Variants in CDH23 observed in about 807,000 individuals in gnomAD.
CDH23 encodes the protein cadherin-23.
CDH23 carries 189 observed loss-of-function variants against 317.1 expected under a neutral mutation model. The observed-to-expected ratio is 0.60, with a 90% CI of 0.53 to 0.67. CDH23 has a LOEUF of 0.67. CDH23 is among the 30% of genes least tolerant of loss of function. The probability of loss-of-function intolerance (pLI) is 0.00; values close to 1 mark genes in which losing one functional copy is unlikely to be tolerated. For missense variants in CDH23, 4,401 were observed against 4,592.4 expected (o/e 0.96, Z 1.20); for synonymous variants, 1,839 against 1,876.8 (o/e 0.98, Z 0.52).
intron 10 of CDH23, 34 bp downstream of exon 10, chr10:71,615,650 G>GGGGC: frequency 6.8e-7 from 1 of 1,473,828 alleles, no homozygotes; most frequent in Non-Finnish European, 9.5e-7. Context: ...ACCCCAGGTA[G>GGGGC]AGGAGATGCC....
intron 1 of CDH23, among the ~76,000 whole-genome samples, chr10:71,424,670 A>G (rs905527414): frequency 9.2e-5 from 14 of 152,200 alleles, no homozygotes; most frequent in African/African-American, 3.1e-4. Context: ...TATTTTGTTC[A>G]GTCATTGATT....
chr10:71,809,737 A>T, intron 60 of CDH23, 83 bp from the exon 61 acceptor site: 1 of 1,545,970 alleles, frequency 6.5e-7, no homozygotes, highest in Non-Finnish European at 8.7e-7. Context: ...AGATGTGCCC[A>T]CCTACCCCAG....
intron 18 of CDH23, among the ~76,000 whole-genome samples, chr10:71,682,839 G>A (rs1429840359): frequency 6.6e-6 from 1 of 152,206 alleles, no homozygotes; most frequent in Non-Finnish European, 1.5e-5. Flanking sequence ...TTCACTGGGG[G>A]CCCCAGGACA....
In CDH23 at chr10:71,658,989, C is replaced by T. The variant is rs145381676; in HGVS notation, c.1449+12372C>T. Among the ~76,000 whole-genome samples, 333 of 152,320 alleles carry T rather than the reference C, an allele frequency of 2.2e-3. 2 individuals carry two copies. Among genetic ancestry groups the T allele is most frequent in the African/African-American group, 7.6e-3 (316 of 41,560 alleles). On this transcript the variant is annotated intron_variant, in intron 14 of 69. Coordinates refer to ENST00000224721, the MANE Select transcript of CDH23 (RefSeq NM_022124.6). ...TCATCTGGAAAATGAAAGGGTTCTGCTGGACACTCTCTAAGGCCCCCTGTG... is the reference window on the plus strand; with the variant it reads ...TCATCTGGAAAATGAAAGGGTTCTGTTGGACACTCTCTAAGGCCCCCTGTG...
intron 1 of CDH23, among the ~76,000 whole-genome samples, chr10:71,424,317 C>CT (rs1168797102): frequency 2.0e-5 from 3 of 152,252 alleles, no homozygotes; most frequent in Admixed American, 2.0e-4. Flanking sequence ...CCCAAAGCTC[C>CT]TTCTGGTCAA....
chr10:71,443,770 T>C (rs6480521), intron 2 of CDH23, among the ~76,000 whole-genome samples: 51,993 of 152,138 alleles, frequency 0.34, 9,111 homozygotes, highest in Middle Eastern at 0.47. Context: ...CCCGCTTCGC[T>C]GGAGGCCCCA....
rs573992582 is a variant in CDH23, at chr10:71,559,907, C to T, written c.430-6835C>T. ...GTATGGGTACACATGGGTTTATGCA[C>T]ACATGTGCCCCTCCCTGACCAGAAT... On this transcript the variant is annotated intron_variant, in intron 6 of 69. Transcript: ENST00000224721. Among the ~76,000 whole-genome samples the T allele has an allele frequency of 2.6e-5, 4 of 152,374 alleles. No homozygotes were observed. In the South Asian group the frequency reaches 8.3e-4, roughly 32 times the overall value.
chr10:71,790,178 T>C (rs921758290), intron 45 of CDH23, 110 bp from the exon 46 acceptor site: 38 of 1,445,512 alleles, frequency 2.6e-5, no homozygotes, highest in Middle Eastern at 2.3e-4. Context: ...CCACCTCACC[T>C]CCCTCCCCTC....
intron 11 of CDH23, among the ~76,000 whole-genome samples, chr10:71,627,383 ATG>A (rs1861788678): frequency 2.0e-5 from 3 of 152,058 alleles, no homozygotes; most frequent in Admixed American, 6.5e-5. Context: ...GATGATGATG[ATG>A]ATGATGATGA....
At chr10:71,425,255 GAGAGAGAGAGAGAGGA>G (rs1849011928) in intron 1 of CDH23, among the ~76,000 whole-genome samples, 3 of 143,100 alleles carry the variant, frequency 2.1e-5, no homozygotes, top group African/African-American at 8.0e-5. Flanking sequence ...GAGAGAGAGA[GAGAGAGAGAGAGAGGA>G]AGGAAGGAAG....
At chr10:71,732,765 A>G in intron 32 of CDH23, 1 of 1,041,696 alleles carries the variant, frequency 9.6e-7, no homozygotes, top group African/African-American at 1.6e-5. Flanking sequence ...TTTCACACCC[A>G]TCACAGATCC....
chr10:71,545,835 C>T (rs373014280), intron 6 of CDH23, among the ~76,000 whole-genome samples: 3 of 152,118 alleles, frequency 2.0e-5, no homozygotes, highest in East Asian at 1.9e-4. Flanking sequence ...GAGTGAAGCA[C>T]GCATTATCTT....
intron 14 of CDH23, among the ~76,000 whole-genome samples, chr10:71,672,996 G>A (rs533223422): frequency 6.6e-6 from 1 of 152,016 alleles, no homozygotes; most frequent in Non-Finnish European, 1.5e-5. Flanking sequence ...CTAGCCTGCT[G>A]TCTCTCCTCT....
intron 38 of CDH23, among the ~76,000 whole-genome samples, chr10:71,774,600 C>T (rs1840775431): frequency 1.3e-5 from 2 of 152,332 alleles, no homozygotes; most frequent in Admixed American, 6.5e-5. Flanking sequence ...GGTTTTACTG[C>T]ACTTTTATCT....
intron 14 of CDH23, among the ~76,000 whole-genome samples, chr10:71,662,227 C>T (rs1367772038): frequency 6.6e-6 from 1 of 152,052 alleles, no homozygotes. Flanking sequence ...AGGGAGACAA[C>T]ATGAGAATGT....
intron 28 of CDH23, chr10:71,713,421 C>T (rs530541138): frequency 1.6e-6 from 1 of 618,576 alleles, no homozygotes; most frequent in African/African-American, 1.8e-5. Flanking sequence ...TATGGGGTTT[C>T]CGACTCGGAG....
intron 3 of CDH23, among the ~76,000 whole-genome samples, chr10:71,458,841 G>A (rs10999819): frequency 0.38 from 57,378 of 152,126 alleles, 12,462 homozygotes; most frequent in East Asian, 0.6. Context: ...GGGCTGGAGT[G>A]CAGTGGCGCG....
chr10:71,655,181 A>T (rs1057420159), intron 14 of CDH23, among the ~76,000 whole-genome samples: 2 of 152,070 alleles, frequency 1.3e-5, no homozygotes, highest in East Asian at 3.9e-4. Context: ...CGTGACTGGG[A>T]AGTGAAAAGA....
chr10:71,638,094 G>A (rs868819885), intron 11 of CDH23, among the ~76,000 whole-genome samples: 1 of 152,146 alleles, frequency 6.6e-6, no homozygotes, highest in Non-Finnish European at 1.5e-5. Context: ...TACAAAACAC[G>A]GGGGAGCAGA....
Sources: allele counts gnomAD v4.1 joint callset (sites outside exome capture counted in the v4.1 genomes callset), GRCh38; gene constraint gnomAD v4.1.1; transcripts MANE v1.5; gene names NCBI Gene and HGNC (gene_info 2026-07-23, HGNC 2026-07-21).